Variants in ANKS1B observed in about 807,000 individuals in gnomAD.
The protein encoded by ANKS1B is ankyrin repeat and sterile alpha motif domain containing 1B.
A neutral mutation model predicts 148.3 loss-of-function variants in ANKS1B; 36 were observed. That is an observed-to-expected ratio of 0.24 (90% CI 0.19 to 0.32). The LOEUF is 0.32. Ranked by LOEUF, ANKS1B falls within the 10% of genes least tolerant of loss-of-function variation. The pLI is 1.00. For synonymous variants in ANKS1B, 542 were observed against 560.8 expected, an observed-to-expected ratio of 0.97 and a Z score of 0.47; for missense variants, 1,157 against 1,542.6, an observed-to-expected ratio of 0.75 and a Z score of 4.19.
chr12:99,029,545 A>G (rs1308316164), intron 17 of ANKS1B, among the ~76,000 whole-genome samples: 2 of 152,240 alleles, frequency 1.3e-5, no homozygotes, highest in Non-Finnish European at 2.9e-5. Context: ...TCTACAGTGA[A>G]GTACTTGTCA....
intron 11 of ANKS1B, among the ~76,000 whole-genome samples, chr12:99,417,876 C>A (rs1238892296): frequency 6.6e-6 from 1 of 152,120 alleles, no homozygotes. Flanking sequence ...ATGTAACTAT[C>A]AGTGGATTTA....
At chr12:99,616,264 T>A (rs2097959034) in intron 9 of ANKS1B, among the ~76,000 whole-genome samples, 2 of 152,182 alleles carry the variant, frequency 1.3e-5, no homozygotes, top group Admixed American at 6.5e-5. Flanking sequence ...TACCATTGAA[T>A]TTCTTCACAG....
At chr12:99,443,148 A>G (rs536049897) in intron 11 of ANKS1B, among the ~76,000 whole-genome samples, 1 of 152,146 alleles carries the variant, frequency 6.6e-6, no homozygotes, top group East Asian at 1.9e-4. Flanking sequence ...AAAAAAGAAC[A>G]AAGGATAAAG....
chr12:99,327,886 G>T (rs2152252573), intron 12 of ANKS1B, among the ~76,000 whole-genome samples: 1 of 151,722 alleles, frequency 6.6e-6, no homozygotes, highest in South Asian at 2.1e-4. Flanking sequence ...GCATGTACTA[G>T]TATTCTGAAT....
intron 22 of ANKS1B, among the ~76,000 whole-genome samples, chr12:98,792,529 T>C (rs1304467408): frequency 2.6e-5 from 4 of 152,204 alleles, no homozygotes; most frequent in East Asian, 1.9e-4. Context: ...TACTGTGCAA[T>C]TGGGCACCAG....
At chr12:99,084,028 G>A (rs1218202482) in intron 16 of ANKS1B, 1 of 152,158 alleles carries the variant, frequency 6.6e-6, no homozygotes, top group African/African-American at 2.4e-5. Context: ...GGTCAACTCT[G>A]TTGCTAGGTA....
intron 17 of ANKS1B, among the ~76,000 whole-genome samples, chr12:98,835,354 T>C (rs1175273256): frequency 6.6e-6 from 1 of 152,154 alleles, no homozygotes; most frequent in Non-Finnish European, 1.5e-5. Context: ...GCCTGACACA[T>C]AGAAGAAGCA....
intron 9 of ANKS1B, among the ~76,000 whole-genome samples, chr12:99,598,520 C>T (rs756576584): frequency 2.6e-5 from 4 of 152,158 alleles, no homozygotes; most frequent in East Asian, 1.9e-4. Flanking sequence ...CACCTCTAAC[C>T]GATTCAAGTG....
downstream of ANKS1B, among the ~76,000 whole-genome samples, chr12:98,743,609 GA>G (rs922873144): frequency 1.1e-4 from 17 of 152,094 alleles, no homozygotes; most frequent in African/African-American, 3.9e-4. Context: ...TGTGTGTATA[GA>G]AAAAAATGAA....
At chr12:99,090,998 C>T (rs1229550576) in intron 15 of ANKS1B, among the ~76,000 whole-genome samples, 1 of 152,056 alleles carries the variant, frequency 6.6e-6, no homozygotes. Flanking sequence ...CCCTAATCCT[C>T]CATTTAAACA....
At chr12:99,579,400 A>G (rs2097549008) in intron 9 of ANKS1B, among the ~76,000 whole-genome samples, 1 of 152,194 alleles carries the variant, frequency 6.6e-6, no homozygotes, top group Non-Finnish European at 1.5e-5. Context: ...ACTATTCAAC[A>G]GAGTACACAG....
chr12:99,792,284 G>A (rs532949176), intron 4 of ANKS1B, among the ~76,000 whole-genome samples: 46 of 151,794 alleles, frequency 3.0e-4, no homozygotes, highest in Admixed American at 1.4e-3. Flanking sequence ...GTGCAGGACC[G>A]ATGACTTTGC....
chr12:98,799,025 CAATGATTTAT>C lies in ANKS1B; in HGVS notation c.3271-30_3271-21del, dbSNP rs776071801. On this transcript the variant is annotated intron_variant, in intron 21 of 26. Transcript: ENST00000683438. Reference sequence around the variant, plus strand: ...TAAATACTAAAATACAAAAAAAATTCAATGATTTATGAAATGGAATATACATATGAGTAAT... The same window carrying C: ...TAAATACTAAAATACAAAAAAAATTCGAAATGGAATATACATATGAGTAAT... 4 of 1,556,488 alleles carry C rather than the reference CAATGATTTAT, an allele frequency of 2.6e-6. No homozygotes were observed. The South Asian group carries it at 4.8e-5, about 19-fold the overall frequency.
chr12:98,973,989 C>G (rs2099886963), intron 17 of ANKS1B, among the ~76,000 whole-genome samples: 1 of 152,048 alleles, frequency 6.6e-6, no homozygotes, highest in Non-Finnish European at 1.5e-5. Flanking sequence ...CAGGCATCCA[C>G]TGGGTGGGGA....
chr12:99,528,417 G>GAACAAAAACAAA (rs1408977763), intron 9 of ANKS1B, among the ~76,000 whole-genome samples: 1 of 103,414 alleles, frequency 9.7e-6, no homozygotes, highest in Admixed American at 9.6e-5. Context: ...CCAAAAAACA[G>GAACAAAAACAAA]AACAAAAACA....
intron 12 of ANKS1B, among the ~76,000 whole-genome samples, chr12:99,258,168 T>C (rs1168126819): frequency 6.6e-6 from 1 of 152,224 alleles, no homozygotes; most frequent in Non-Finnish European, 1.5e-5. Context: ...ATTTGTACCC[T>C]ACTACATAGG....
At chr12:98,910,609 A>G (rs1407019232) in intron 17 of ANKS1B, among the ~76,000 whole-genome samples, 1 of 152,352 alleles carries the variant, frequency 6.6e-6, no homozygotes, top group East Asian at 1.9e-4. Flanking sequence ...GCAAATTACC[A>G]GACTTATAAA....
intron 1 of ANKS1B, among the ~76,000 whole-genome samples, chr12:99,877,334 A>G (rs1287576831): frequency 6.6e-6 from 1 of 151,906 alleles, no homozygotes; most frequent in Non-Finnish European, 1.5e-5. Context: ...TCTAAATACC[A>G]TTTTTCTTAT....
At chr12:99,173,986 C>T (rs1289026698) in intron 14 of ANKS1B, among the ~76,000 whole-genome samples, 1 of 152,150 alleles carries the variant, frequency 6.6e-6, no homozygotes, top group Non-Finnish European at 1.5e-5. Flanking sequence ...GAATAACTTT[C>T]TTCTAATTAA....
Sources: gnomAD v4.1 joint callset for allele counts (sites outside exome capture counted in the v4.1 genomes callset) on GRCh38, gnomAD v4.1.1 for gene constraint, MANE v1.5 for transcripts, NCBI Gene and HGNC (gene_info 2026-07-23, HGNC 2026-07-21) for gene names.